PCDH15: variants seen among roughly 807,000 people sequenced by gnomAD.
PCDH15 encodes the protein protocadherin related 15, also known as protocadherin-15.
PCDH15 carries 129 observed loss-of-function variants against 178.5 expected under a neutral mutation model. That is an observed-to-expected ratio of 0.72 (90% CI 0.63 to 0.84). The LOEUF (loss-of-function observed/expected upper bound fraction) is 0.84, where lower values mean the gene tolerates loss of function less well. Ranked by LOEUF, PCDH15 falls within the 40% of genes least tolerant of loss-of-function variation. PCDH15 has a pLI of 0.00. For synonymous variants in PCDH15, 800 were observed against 732.0 expected, an observed-to-expected ratio of 1.09 and a Z score of -1.50; for missense variants, 2,230 against 2,099.9, an observed-to-expected ratio of 1.06 and a Z score of -1.21.
intron 2 of PCDH15, among the ~76,000 whole-genome samples, chr10:55,052,933 T>C (rs538167688): frequency 2.1e-4 from 32 of 152,250 alleles, no homozygotes; most frequent in African/African-American, 6.5e-4. Flanking sequence ...AAATTTGACA[T>C]GCAGGAGCAA....
intron 3 of PCDH15, among the ~76,000 whole-genome samples, chr10:54,867,550 G>A (rs1953962837): frequency 6.6e-6 from 1 of 151,956 alleles, no homozygotes; most frequent in African/African-American, 2.4e-5. Flanking sequence ...CATAGGACGT[G>A]GCAAGGGGAG....
intron 1 of PCDH15, among the ~76,000 whole-genome samples, chr10:55,269,783 T>C (rs922651180): frequency 1.3e-4 from 20 of 152,070 alleles, no homozygotes; most frequent in African/African-American, 2.4e-4. Context: ...AAAAAAATTC[T>C]AAAATTCATC....
At chr10:53,837,910 T>G (rs2132718860) in intron 29 of PCDH15, among the ~76,000 whole-genome samples, 1 of 151,982 alleles carries the variant, frequency 6.6e-6, no homozygotes, top group South Asian at 2.1e-4. Context: ...AGGCAAAATT[T>G]TCATATTTCA....
intron 16 of PCDH15, among the ~76,000 whole-genome samples, chr10:54,088,686 T>G (rs1408874285): frequency 1.3e-5 from 2 of 152,216 alleles, no homozygotes; most frequent in Non-Finnish European, 2.9e-5. Context: ...ATCTCATATA[T>G]TGCAATTTAT....
At chr10:54,417,540 T>C (rs978258318) in intron 3 of PCDH15, among the ~76,000 whole-genome samples, 1 of 152,180 alleles carries the variant, frequency 6.6e-6, no homozygotes, top group African/African-American at 2.4e-5. Context: ...GATATAGAGA[T>C]ATTTAACAAT....
chr10:54,425,754 C>T, intron 3 of PCDH15, among the ~76,000 whole-genome samples: 1 of 152,064 alleles, frequency 6.6e-6, no homozygotes, highest in East Asian at 1.9e-4. Context: ...TGACACATGA[C>T]CTTTCTTTCT....
At chr10:53,811,196 A>G (rs926547487) in intron 36 of PCDH15, among the ~76,000 whole-genome samples, 17 of 152,168 alleles carry the variant, frequency 1.1e-4, no homozygotes, top group African/African-American at 4.1e-4. Context: ...CTTGGGCAAA[A>G]CTTTAAACTG....
chr10:53,942,477 C>T (rs1455665815), intron 23 of PCDH15, among the ~76,000 whole-genome samples: 2 of 152,182 alleles, frequency 1.3e-5, no homozygotes, highest in Non-Finnish European at 2.9e-5. Context: ...GTATACGTCT[C>T]ATGTAAATTC....
chr10:53,807,077 G>T lies in PCDH15; in HGVS notation c.4725C>A (p.Ser1575Arg). 5.6e-6 allele frequency: 9 copies of T among 1,612,730 alleles called. No homozygotes were observed. Among genetic ancestry groups the T allele is most frequent in the Non-Finnish European group, 7.6e-6 (9 of 1,179,678 alleles). The change falls in exon 38 of 38, where the codon AGC becomes AGA. Residue 1575 changes from serine to arginine, a missense_variant. By Grantham distance (110) the Ser-to-Arg change is moderately radical. Transcript: ENST00000644397. ...KLVVDREYET[S>R]STGEDSAPEC... ...CAGGAGCACTGTCTTCTCCAGTTGA[G>T]CTGGTTTCATACTCTCGATCAACAA... is the stretch of plus-strand genomic sequence containing the variant.
intron 2 of PCDH15, among the ~76,000 whole-genome samples, chr10:55,102,663 C>T (rs1842599821): frequency 6.6e-6 from 1 of 152,046 alleles, no homozygotes; most frequent in South Asian, 2.1e-4. Context: ...TTACAGTTGA[C>T]ACTTGAGCAA....
intron 30 of PCDH15, chr10:53,831,031 A>T: frequency 5.0e-6 from 3 of 602,238 alleles, no homozygotes; most frequent in South Asian, 4.7e-5. Context: ...GCTCTTAAAC[A>T]AAAGAAGAGC....
intron 2 of PCDH15, among the ~76,000 whole-genome samples, chr10:55,379,121 T>TATATATATATATATATATATATCA (rs953825079): frequency 1.3e-5 from 2 of 151,542 alleles, no homozygotes; most frequent in African/African-American, 4.9e-5. Flanking sequence ...TATATATATA[T>TATATATATATATATATATATATCA]ATGTATGTAT....
intron 25 of PCDH15, among the ~76,000 whole-genome samples, chr10:53,934,999 T>C (rs987529453): frequency 7.4e-5 from 11 of 149,394 alleles, no homozygotes; most frequent in Admixed American, 7.3e-4. Context: ...TTATACTACA[T>C]ATATAGAAAA....
intron 2 of PCDH15, among the ~76,000 whole-genome samples, chr10:55,399,651 T>A (rs1408657347): frequency 6.6e-6 from 1 of 152,072 alleles, no homozygotes; most frequent in Admixed American, 6.6e-5. Flanking sequence ...TTTAGTGGAA[T>A]CAAGAAAATG....
At chr10:55,177,418 G>A (rs913945232) in intron 1 of PCDH15, among the ~76,000 whole-genome samples, 2 of 152,138 alleles carry the variant, frequency 1.3e-5, no homozygotes, top group East Asian at 3.9e-4. Flanking sequence ...GAAAGGAAGA[G>A]AATGGCCCTG....
At chr10:54,088,130 C>A (rs1001563202) in intron 16 of PCDH15, among the ~76,000 whole-genome samples, 1 of 152,136 alleles carries the variant, frequency 6.6e-6, no homozygotes, top group Admixed American at 6.6e-5. Flanking sequence ...TATAGCAGTG[C>A]AAAAACGAAC....
chr10:55,565,270 C>G (rs1842278908), intron 2 of PCDH15, among the ~76,000 whole-genome samples: 1 of 151,490 alleles, frequency 6.6e-6, no homozygotes, highest in African/African-American at 2.4e-5. Context: ...GAAGAAATAA[C>G]AGGGGAACTG....
At chr10:55,209,128 A>G (rs146505038) in intron 1 of PCDH15, among the ~76,000 whole-genome samples, 1,690 of 152,184 alleles carry the variant, frequency 0.011, 74 homozygotes, top group Admixed American at 0.015. Context: ...GAAGACTGTT[A>G]AATGATGATG....
intron 2 of PCDH15, among the ~76,000 whole-genome samples, chr10:55,387,859 G>A (rs1021153383): frequency 6.6e-6 from 1 of 151,534 alleles, no homozygotes; most frequent in African/African-American, 2.4e-5. Context: ...TTTTTAATAC[G>A]GAGAGCTTTC....
Sources: allele counts gnomAD v4.1 joint callset (sites outside exome capture counted in the v4.1 genomes callset), GRCh38; gene constraint gnomAD v4.1.1; transcripts MANE v1.5; gene names NCBI Gene and HGNC (gene_info 2026-07-23, HGNC 2026-07-21).